HK2: variants seen among roughly 807,000 people sequenced by gnomAD.
HK2 encodes hexokinase 2.
HK2 carries 42 observed loss-of-function variants against 92.9 expected under a neutral mutation model. The observed-to-expected ratio is 0.45, with a 90% CI of 0.35 to 0.58. The LOEUF is 0.58. Among genes scored for constraint, HK2 ranks in the 20% least tolerant of loss-of-function variants. The pLI, the probability that HK2 is intolerant of heterozygous loss-of-function variation, is 0.00. For missense variants in HK2, 978 were observed against 1,245.1 expected (o/e 0.79, Z 3.23); for synonymous variants, 422 against 468.0 (o/e 0.90, Z 1.27).
In HK2 at chr2:74,874,226, C is replaced by T. The variant is rs1689168678; in HGVS notation, c.692-40C>T. 5.0e-6 allele frequency: 8 copies of T among 1,612,052 alleles called. No individual in the cohort carries two copies. The East Asian group carries it at 1.8e-4, about 36-fold the overall frequency. ...AAGAGGGAAGAGGGGTGGGAAGGGGCCGGAGCAGGCGTGTGCATAGCCGTC... is the reference window on the plus strand; with the variant it reads ...AAGAGGGAAGAGGGGTGGGAAGGGGTCGGAGCAGGCGTGTGCATAGCCGTC... On this transcript the variant is annotated intron_variant, in intron 6 of 17. Transcript: ENST00000290573.
chr2:74,858,327 T>C (rs1172748650), intron 2 of HK2, among the ~76,000 whole-genome samples: 1 of 152,190 alleles, frequency 6.6e-6, no homozygotes, highest in African/African-American at 2.4e-5. Flanking sequence ...GCATTTCCTT[T>C]CTTGCTGGCA....
intron 14 of HK2, 30 bp from the exon 15 acceptor site, chr2:74,886,460 A>T (rs1689540815): frequency 6.2e-7 from 1 of 1,613,854 alleles, no homozygotes; most frequent in Non-Finnish European, 8.5e-7. Context: ...GTTGGTGCTG[A>T]GTGAGGCCCT....
intron 8 of HK2, among the ~76,000 whole-genome samples, chr2:74,877,824 A>G (rs1013652372): frequency 6.6e-6 from 1 of 152,234 alleles, no homozygotes. Flanking sequence ...AGCAGGGGCA[A>G]GAGTGAGGAT....
At chr2:74,869,121 A>G (rs909434628) in intron 3 of HK2, among the ~76,000 whole-genome samples, 1 of 137,154 alleles carries the variant, frequency 7.3e-6, no homozygotes, top group Non-Finnish European at 1.5e-5. Flanking sequence ...AGTCCGGATT[A>G]AAAAAAAAAA....
chr2:74,890,355 T>C (rs1689645082), intron 17 of HK2, among the ~76,000 whole-genome samples: 2 of 152,252 alleles, frequency 1.3e-5, no homozygotes, highest in African/African-American at 2.4e-5. Context: ...GGAGCACATG[T>C]GGCTCTGATA....
At chr2:74,849,943 T>C (rs112768502) in intron 1 of HK2, among the ~76,000 whole-genome samples, 171 of 152,358 alleles carry the variant, frequency 1.1e-3, no homozygotes, top group African/African-American at 3.9e-3. Context: ...GAGTCTGCTT[T>C]GATAGTATCC....
At position 74,834,474 on chromosome 2, in the gene HK2, G is replaced by C; in HGVS notation, c.-107G>C. ...TGCGCCGTCCGGACTCCCAGCTCCC[G>C]GCCCGGCAGCCGAGCCCCAGCACAA... is the stretch of plus-strand genomic sequence containing the variant. On this transcript the variant is annotated 5_prime_UTR_variant, in exon 1 of 18. Coordinates refer to ENST00000290573, the MANE Select transcript of HK2 (RefSeq NM_000189.5). The surrounding 1 kb of genome is among the most constrained non-coding windows in gnomAD (Gnocchi z 4.2). 8.6e-7 allele frequency: 1 copy of C among 1,157,884 alleles called. No individual in the cohort carries two copies. Among genetic ancestry groups the C allele is most frequent in the Non-Finnish European group, 1.3e-6 (1 of 779,816 alleles). The allele number at this position is 1,157,884 out of a possible 1,614,324, so 71.7% of individuals were successfully genotyped here. A position where few individuals can be genotyped will look rare whatever the true frequency, so the allele number is the denominator to read the frequency against.
chr2:74,855,834 G>A lies in HK2; in HGVS notation c.226+1379G>A, dbSNP rs77291774. Among the ~76,000 whole-genome samples, 104 of 152,288 alleles carry A rather than the reference G, an allele frequency of 6.8e-4. No homozygotes were observed. The East Asian group carries it at 0.018, about 27-fold the overall frequency. On this transcript the variant is annotated intron_variant, in intron 2 of 17. Coordinates refer to ENST00000290573, the MANE Select transcript of HK2 (RefSeq NM_000189.5). ...GTGGGTGGGCAAAAAGAGTATTCAA[G>A]GGTGGGGCCCGGCTGTTGAGCCCAG... is the stretch of plus-strand genomic sequence containing the variant.
At chr2:74,851,060 A>T (rs1196174947) in intron 1 of HK2, among the ~76,000 whole-genome samples, 1 of 151,816 alleles carries the variant, frequency 6.6e-6, no homozygotes, top group Non-Finnish European at 1.5e-5. Flanking sequence ...TGGAGAGGAA[A>T]ATAAGGTCCC....
At chr2:74,835,837 A>C (rs1411016161) in intron 1 of HK2, among the ~76,000 whole-genome samples, 1 of 152,182 alleles carries the variant, frequency 6.6e-6, no homozygotes, top group Non-Finnish European at 1.5e-5. Context: ...ATGGGAACAC[A>C]TTTTTGGGAA....
intron 8 of HK2, among the ~76,000 whole-genome samples, chr2:74,878,117 G>A (rs1399160071): frequency 6.6e-6 from 1 of 152,196 alleles, no homozygotes; most frequent in African/African-American, 2.4e-5. Context: ...GGGTGCTAAG[G>A]TTATAGCACT....
chr2:74,886,665 C>T lies in HK2; in HGVS notation c.2211C>T (p.Gly737=). ...VAVDELSLNP[G]KQRFEKMISG... ...TGGATGAGCTTTCACTCAACCCCGG[C>T]AAGCAGAGGTAGGCACCCAACTGGG... Residue 737 remains glycine, a synonymous_variant, in exon 15 of 18, where the codon GGC becomes GGT. Transcript: ENST00000290573. 6.2e-7 allele frequency: 1 copy of T among 1,613,844 alleles called. No individual in the cohort carries two copies. The highest frequency in any genetic ancestry group is 8.5e-7 in the Non-Finnish European group (1 of 1,179,968).
chr2:74,836,755 T>G (rs2103818344), intron 1 of HK2, among the ~76,000 whole-genome samples: 1 of 152,346 alleles, frequency 6.6e-6, no homozygotes, highest in African/African-American at 2.4e-5. Flanking sequence ...AAGCAGAGAC[T>G]CAGAGTATCT....
At position 74,886,536 on chromosome 2, in the gene HK2, A is replaced by T. The variant is rs1406710116; in HGVS notation, c.2082A>T (p.Glu694Asp). ...ACATGGAGGAGATGCGCAACGTGGA[A>T]CTGGTGGAAGGAGAAGAGGGGCGGA... Reference protein sequence around the residue: ...ACYMEEMRNVELVEGEEGRMC... With the variant: ...ACYMEEMRNVDLVEGEEGRMC... The change falls in exon 15 of 18, where the codon GAA (glutamate) becomes GAT (aspartate). Residue 694 changes from glutamate (E) to aspartate (D), a missense_variant. Glu to Asp is a conservative substitution (Grantham distance 45). Coordinates refer to ENST00000290573, the MANE Select transcript of HK2 (RefSeq NM_000189.5). The T allele has an allele frequency of 6.2e-7, 1 of 1,613,878 alleles. No homozygotes were observed. The highest frequency in any genetic ancestry group is 2.2e-5 in the East Asian group (1 of 44,882).
chr2:74,882,604 C>CG, intron 12 of HK2, among the ~76,000 whole-genome samples: 1 of 40,476 alleles, frequency 2.5e-5, no homozygotes, highest in Non-Finnish European at 5.5e-5. Context: ...CTCTATTGAA[C>CG]TTATATATAT....
At chr2:74,885,121 A>G (rs1689489893) in intron 12 of HK2, among the ~76,000 whole-genome samples, 1 of 152,208 alleles carries the variant, frequency 6.6e-6, no homozygotes, top group Admixed American at 6.5e-5. Flanking sequence ...TTATGAGCCC[A>G]TTCACTGGGG....
intron 1 of HK2, among the ~76,000 whole-genome samples, chr2:74,836,875 G>T (rs1198562387): frequency 1.3e-5 from 2 of 152,196 alleles, no homozygotes; most frequent in Admixed American, 1.3e-4. Flanking sequence ...GGACCCTTCT[G>T]AAATCCCCTT....
At chr2:74,846,342 T>C (rs911042075) in intron 1 of HK2, among the ~76,000 whole-genome samples, 29 of 151,886 alleles carry the variant, frequency 1.9e-4, no homozygotes, top group African/African-American at 6.5e-4. Context: ...GTCTTTTGAA[T>C]TGAAGTATAA....
chr2:74,851,247 G>GTT (rs1045303468), intron 1 of HK2, among the ~76,000 whole-genome samples: 2 of 152,220 alleles, frequency 1.3e-5, no homozygotes, highest in Non-Finnish European at 2.9e-5. Context: ...AGGTGCAGAA[G>GTT]TTTTACGAAG....
Sources: gnomAD v4.1 joint callset for allele counts (sites outside exome capture counted in the v4.1 genomes callset) on GRCh38, gnomAD v4.1.1 for gene constraint, Gnocchi (gnomAD v3.1) non-coding constraint, MANE v1.5 for transcripts, NCBI Gene and HGNC (gene_info 2026-07-23, HGNC 2026-07-21) for gene names.